Variants in SOCS6 observed in about 807,000 individuals in gnomAD.
SOCS6 encodes the protein suppressor of cytokine signaling 6.
Under a neutral mutation model 27.7 loss-of-function variants are expected in SOCS6, and 5 were observed. That is an observed-to-expected ratio of 0.18 (90% CI 0.09 to 0.38). The LOEUF (loss-of-function observed/expected upper bound fraction) is 0.38. Among genes scored for constraint, SOCS6 ranks in the 10% least tolerant of loss-of-function variants. The probability of loss-of-function intolerance (pLI) is 1.00; values close to 1 mark genes in which losing one functional copy is unlikely to be tolerated. For missense variants in SOCS6, 595 were observed against 688.1 expected (o/e 0.86, Z 1.51); for synonymous variants, 271 against 260.0 (o/e 1.04, Z -0.41).
At position 70,326,547 on chromosome 18, in the gene SOCS6, T is replaced by G; in HGVS notation, c.*271T>G. On this transcript the variant is annotated 3_prime_UTR_variant, in exon 2 of 2. Coordinates refer to ENST00000397942, the MANE Select transcript of SOCS6 (RefSeq NM_004232.4). ...AATAATCACAATGTGAATTATCAAA[T>G]TCTCCTCAATGCCCCCCCCGCCCAG... is the stretch of plus-strand genomic sequence containing the variant. 2.5e-6 allele frequency: 1 copy of G among 398,592 alleles called. No homozygotes were observed. The highest frequency in any genetic ancestry group is 4.7e-6 in the Non-Finnish European group (1 of 214,014). The allele number at this position is 398,592 out of a possible 1,614,324, so 24.7% of individuals were successfully genotyped here.
Position 70,325,139 on chromosome 18 carries a change from C to G in SOCS6, c.471C>G (p.Ala157=). The change falls in exon 2 of 2, where the codon GCC becomes GCG. Residue 157 remains alanine (A), a synonymous_variant. Transcript: ENST00000397942. The surrounding 1 kb of genome is among the most constrained non-coding windows in gnomAD (Gnocchi z 6.3). ...TCAAGATGGAGGTGAGAGTCAAGGC[C>G]TTGGTTCACTCTTCCAGCCCGAGTC... ...TCIKMEVRVK[A]LVHSSSPSPA... 6.2e-7 allele frequency: 1 copy of G among 1,614,186 alleles called. No homozygotes were observed. The highest frequency in any genetic ancestry group is 1.7e-5 in the Admixed American group (1 of 60,026).
chr18:70,307,430 A>G (rs1287381435), intron 1 of SOCS6, among the ~76,000 whole-genome samples: 1 of 152,146 alleles, frequency 6.6e-6, no homozygotes, highest in Non-Finnish European at 1.5e-5. Flanking sequence ...ATTTGTATTA[A>G]TTGTTTAAAT....
At chr18:70,290,629 C>A (rs2062294690) in intron 1 of SOCS6, among the ~76,000 whole-genome samples, 1 of 152,130 alleles carries the variant, frequency 6.6e-6, no homozygotes, top group African/African-American at 2.4e-5. Context: ...TGCCTTGGTG[C>A]CTTGGAGGAA....
intron 1 of SOCS6, among the ~76,000 whole-genome samples, chr18:70,304,921 T>A (rs988820647): frequency 1.3e-5 from 2 of 152,180 alleles, no homozygotes; most frequent in Admixed American, 1.3e-4. Context: ...TTTTATAGTT[T>A]CATGGCCGAG....
chr18:70,324,559 T>C lies in SOCS6; in HGVS notation c.-110T>C. ...ATTTTTTAGAAAATGGCTCCAAAGG[T>C]TAAATGAAGCAGGAAAAATACATAG... On this transcript the variant is annotated 5_prime_UTR_variant, in exon 2 of 2. Transcript: ENST00000397942. 1 of 715,924 alleles carries C rather than the reference T, an allele frequency of 1.4e-6. No homozygotes were observed. The highest frequency in any genetic ancestry group is 2.3e-6 in the Non-Finnish European group (1 of 435,018). The allele number at this position is 715,924 out of a possible 1,614,324, so 44.3% of individuals were successfully genotyped here. A position where few individuals can be genotyped will look rare whatever the true frequency, so the allele number is the denominator to read the frequency against.
intron 1 of SOCS6, among the ~76,000 whole-genome samples, chr18:70,293,735 A>C (rs919750362): frequency 6.6e-6 from 1 of 152,090 alleles, no homozygotes; most frequent in African/African-American, 2.4e-5. Flanking sequence ...AAAAAAAAAA[A>C]CTTAAGGTTT....
At chr18:70,297,003 CTGTTGTTGT>C (rs755251752) in intron 1 of SOCS6, among the ~76,000 whole-genome samples, 22 of 121,952 alleles carry the variant, frequency 1.8e-4, no homozygotes, top group Non-Finnish European at 2.9e-4. Context: ...TTTTTCTTGT[CTGTTGTTGT>C]TGTTGTTGTT....
chr18:70,289,454 G>C (rs2146253527), intron 1 of SOCS6, among the ~76,000 whole-genome samples: 1 of 147,346 alleles, frequency 6.8e-6, no homozygotes, highest in East Asian at 2.0e-4. Context: ...CTCTTCGGCC[G>C]CGGCGCGCCG....
chr18:70,318,288 A>G (rs1910842222), intron 1 of SOCS6, among the ~76,000 whole-genome samples: 1 of 152,176 alleles, frequency 6.6e-6, no homozygotes, highest in Admixed American at 6.5e-5. Context: ...CTATTTTTAT[A>G]TAAATAATTT....
chr18:70,299,277 A>T (rs192537523), intron 1 of SOCS6, among the ~76,000 whole-genome samples: 1 of 152,268 alleles, frequency 6.6e-6, no homozygotes, highest in African/African-American at 2.4e-5. Context: ...CTTCTGACCG[A>T]CTGGCTACAA....
intron 1 of SOCS6, among the ~76,000 whole-genome samples, chr18:70,294,490 TTAAAG>T (rs906529051): frequency 6.6e-6 from 1 of 151,812 alleles, no homozygotes; most frequent in African/African-American, 2.4e-5. Context: ...TAATTCCTAT[TTAAAG>T]TAATTATTAC....
chr18:70,296,906 C>CTTTCTT (rs1555789080), intron 1 of SOCS6, among the ~76,000 whole-genome samples: 35 of 129,178 alleles, frequency 2.7e-4, no homozygotes, highest in African/African-American at 8.0e-4. Flanking sequence ...CATTTTCTTT[C>CTTTCTT]TTTTTTTTTT....
chr18:70,311,167 C>T (rs1425722712), intron 1 of SOCS6, among the ~76,000 whole-genome samples: 1 of 152,152 alleles, frequency 6.6e-6, no homozygotes, highest in Admixed American at 6.5e-5. Context: ...TTCTCACAGT[C>T]TCCTGCAGAT....
At chr18:70,317,330 CTTCACTTAGAATGGAAGTT>C (rs1318827110) in intron 1 of SOCS6, among the ~76,000 whole-genome samples, 8 of 152,086 alleles carry the variant, frequency 5.3e-5, no homozygotes, top group African/African-American at 1.9e-4. Context: ...GAGTTAGTTA[CTTCACTTAGAATGGAAGTT>C]AGTTACTTCC....
intron 1 of SOCS6, among the ~76,000 whole-genome samples, chr18:70,295,993 T>C (rs935169856): frequency 1.4e-4 from 22 of 152,108 alleles, no homozygotes; most frequent in Middle Eastern, 3.2e-3. Flanking sequence ...GTGACGTGTG[T>C]TTGATTGGAG....
chr18:70,330,080 G>T lies in SOCS6; in HGVS notation c.*3804G>T, dbSNP rs952365718. On this transcript the variant is annotated 3_prime_UTR_variant, in exon 2 of 2. Coordinates refer to ENST00000397942, the MANE Select transcript of SOCS6 (RefSeq NM_004232.4). ...ATCCAAAGTCCATTGATTTTAATAC[G>T]TGTTTTGGTTTGTAAACAAATTATA... The T allele has an allele frequency of 3.6e-5, 6 of 167,016 alleles. No homozygotes were observed. The highest frequency in any genetic ancestry group is 5.9e-5 in the Non-Finnish European group (4 of 68,104). 10.3% of individuals were successfully genotyped at this position (167,016 alleles called of 1,614,324 possible). A position where few individuals can be genotyped will look rare whatever the true frequency, so the allele number is the denominator to read the frequency against.
chr18:70,290,538 A>G (rs2062294142), intron 1 of SOCS6, among the ~76,000 whole-genome samples: 1 of 152,136 alleles, frequency 6.6e-6, no homozygotes, highest in East Asian at 1.9e-4. Context: ...GCACGCGTGG[A>G]TATGGTAAGG....
At position 70,325,506 on chromosome 18, in the gene SOCS6, T is replaced by A; in HGVS notation, c.838T>A (p.Phe280Ile). Residue 280 changes from phenylalanine to isoleucine, a missense_variant, in exon 2 of 2, where the codon TTC becomes ATC. Physicochemically the swap from Phe to Ile is conservative, Grantham distance 21. Coordinates refer to ENST00000397942, the MANE Select transcript of SOCS6 (RefSeq NM_004232.4). The surrounding 1 kb of genome is among the most constrained non-coding windows in gnomAD (Gnocchi z 6.3). ...DQDLVVAPEI[F>I]VDQSVNGLLI... is the part of the protein sequence containing the mutation. ...GGACCTAGTTGTCGCCCCAGAGATC[T>A]TCGTGGATCAGTCCGTGAATGGCTT... The A allele has an allele frequency of 6.2e-7, 1 of 1,614,130 alleles. No individual in the cohort carries two copies.
At chr18:70,296,317 T>G (rs2062322502) in intron 1 of SOCS6, among the ~76,000 whole-genome samples, 1 of 152,214 alleles carries the variant, frequency 6.6e-6, no homozygotes, top group Non-Finnish European at 1.5e-5. Flanking sequence ...AGTGACAAAT[T>G]AACTCTGAAA....
Sources: allele counts gnomAD v4.1 joint callset (sites outside exome capture counted in the v4.1 genomes callset), GRCh38; gene constraint gnomAD v4.1.1; non-coding constraint Gnocchi (gnomAD v3.1); transcripts MANE v1.5; gene names NCBI Gene and HGNC (gene_info 2026-07-23, HGNC 2026-07-21).